Variants in UTP20 observed in about 807,000 individuals in gnomAD.
UTP20 encodes the protein small subunit processome component 20 homolog.
In UTP20, 164 loss-of-function variants were observed where a neutral mutation model predicts 329.5. That is an observed-to-expected ratio of 0.50 (90% confidence interval 0.44 to 0.57). UTP20 has a LOEUF of 0.57. Ranked by LOEUF, UTP20 falls within the 20% of genes least tolerant of loss-of-function variation. UTP20 has a pLI of 0.00. For synonymous variants in UTP20, 1,151 were observed against 1,159.3 expected (o/e 0.99, Z 0.14); for missense variants, 3,055 against 3,284.2 (o/e 0.93, Z 1.71).
intron 25 of UTP20, among the ~76,000 whole-genome samples, chr12:101,322,031 C>G (rs1427503250): frequency 6.6e-6 from 1 of 152,100 alleles, no homozygotes; most frequent in Admixed American, 6.6e-5. Context: ...CTCTGTCACC[C>G]AGGCTGGAGT....
At chr12:101,333,233 C>T in intron 27 of UTP20, 68 bp from the exon 28 acceptor site, 5 of 1,487,200 alleles carry the variant, frequency 3.4e-6, no homozygotes, top group Non-Finnish European at 4.6e-6. Context: ...GCAAGAGTGC[C>T]TCTCTGAGGA....
Position 101,383,051 on chromosome 12 carries a change from A to C in UTP20, c.7667A>C (p.Asn2556Thr). 1 of 1,593,010 alleles carries C rather than the reference A, an allele frequency of 6.3e-7. No individual in the cohort carries two copies. Among genetic ancestry groups the C allele is most frequent in the South Asian group, 1.2e-5 (1 of 86,412 alleles). ...CGTTTTTTTTTAAAGGTTGTTAAGA[A>C]TTTGTTGTTCGCAGCCAAAGTCTTG... The part of the protein sequence containing the change: ...DQSLGEQVVK[N>T]LLFAAKVLYL... The change falls in exon 59 of 62, where the codon AAT becomes ACT. Residue 2556 changes from asparagine (N) to threonine (T), a missense_variant. This residue lies in a region of UTP20 where 337 missense variants were observed against 345.5 expected (regional missense o/e 0.98). Transcript: ENST00000261637.
chr12:101,345,911 G>A (rs557092203), intron 37 of UTP20, among the ~76,000 whole-genome samples: 1 of 152,114 alleles, frequency 6.6e-6, no homozygotes, highest in Non-Finnish European at 1.5e-5. Flanking sequence ...TAATAGTGTC[G>A]CTTTTCTCTG....
At position 101,363,704 on chromosome 12, in the gene UTP20, A is replaced by G. The variant is rs886536898; in HGVS notation, c.5919A>G (p.Gly1973=). 2.5e-6 allele frequency: 4 copies of G among 1,612,156 alleles called. No homozygotes were observed. The highest frequency in any genetic ancestry group is 3.4e-6 in the Non-Finnish European group (4 of 1,178,308). The part of the protein sequence containing the change: ...DSYEILGKFV[G]KDQVTKLILP... Reference sequence around the variant, plus strand: ...ATGAAATCCTCGGCAAGTTTGTAGGAAAAGATCAGGTTACAAAACTCATCC... The same window carrying G: ...ATGAAATCCTCGGCAAGTTTGTAGGGAAAGATCAGGTTACAAAACTCATCC... The change falls in exon 45 of 62, where the codon GGA becomes GGG. Residue 1973 remains glycine (G), a synonymous_variant. Transcript: ENST00000261637.
chr12:101,290,984 T>G, intron 8 of UTP20, 96 bp downstream of exon 8: 1 of 1,290,262 alleles, frequency 7.8e-7, no homozygotes, highest in South Asian at 1.6e-5. Context: ...GAAGTTATAT[T>G]TTATAATTGT....
chr12:101,320,712 T>C, intron 23 of UTP20, 140 bp from the exon 24 acceptor site: 2 of 542,772 alleles, frequency 3.7e-6, no homozygotes. Flanking sequence ...AATGTGAAGC[T>C]GTTGTTAGCA....
At position 101,312,105 on chromosome 12, in the gene UTP20, A is replaced by T; in HGVS notation, c.2381A>T (p.Glu794Val). ...VGDESWEQTQ[E>V]GDVGALYHEQ... ...GATGAAAGTTGGGAGCAGACCCAGGAAGGAGATGTTGGAGCTCTTTATCAT... is the reference window on the plus strand; with the variant it reads ...GATGAAAGTTGGGAGCAGACCCAGGTAGGAGATGTTGGAGCTCTTTATCAT... Residue 794 changes from glutamate to valine, a missense_variant, in exon 21 of 62, where the codon GAA becomes GTA. Physicochemically the swap from Glu to Val is moderately radical, Grantham distance 121. Transcript: ENST00000261637. The T allele has an allele frequency of 6.2e-7, 1 of 1,614,248 alleles. No individual in the cohort carries two copies. The highest frequency in any genetic ancestry group is 2.2e-5 in the East Asian group (1 of 44,882).
intron 4 of UTP20, 38 bp from the exon 5 acceptor site, chr12:101,286,283 A>G (rs1732562095): frequency 6.6e-7 from 1 of 1,515,068 alleles, no homozygotes; most frequent in Non-Finnish European, 8.8e-7. Context: ...GCCTTTTAAA[A>G]AAATCCACAT....
chr12:101,357,194 C>A (rs2120985390), intron 43 of UTP20, 112 bp downstream of exon 43: 1 of 958,734 alleles, frequency 1.0e-6, no homozygotes, highest in Non-Finnish European at 1.5e-6. Flanking sequence ...GATCCACTGA[C>A]ACTCTGAGCA....
At chr12:101,287,809 C>G (rs541186301) in intron 5 of UTP20, among the ~76,000 whole-genome samples, 2 of 152,314 alleles carry the variant, frequency 1.3e-5, no homozygotes, top group East Asian at 3.9e-4. Flanking sequence ...GAGATACAGT[C>G]ACAGATAAAA....
intron 25 of UTP20, among the ~76,000 whole-genome samples, chr12:101,324,677 T>C (rs1241111339): frequency 2.0e-5 from 3 of 152,196 alleles, no homozygotes; most frequent in Non-Finnish European, 2.9e-5. Flanking sequence ...CACTGGTTTG[T>C]TTATAATAAC....
In UTP20 at chr12:101,354,801, TAA is replaced by T. The variant is rs779609284; in HGVS notation, c.5108-30_5108-29del. The T allele has an allele frequency of 1.9e-6, 3 of 1,595,394 alleles. No homozygotes were observed. The Admixed American group carries it at 5.2e-5, about 28-fold the overall frequency. On this transcript the variant is annotated intron_variant, in intron 40 of 61. Transcript: ENST00000261637. ...AACTGTGTGGTTTCATTATTTGCTT[TAA>T]GGTGACTTTTGTTGTTTATTAAACA...
chr12:101,296,821 A>G (rs1218315767), intron 12 of UTP20, among the ~76,000 whole-genome samples: 1 of 152,162 alleles, frequency 6.6e-6, no homozygotes, highest in Non-Finnish European at 1.5e-5. Flanking sequence ...AGTGTCATGG[A>G]TTACTTTCTT....
chr12:101,322,196 G>A (rs1868388432), intron 25 of UTP20, among the ~76,000 whole-genome samples: 2 of 151,970 alleles, frequency 1.3e-5, no homozygotes, highest in Non-Finnish European at 2.9e-5. Context: ...CACCATGTTG[G>A]CCAGGCTGGT....
chr12:101,310,523 C>T (rs544179890), intron 19 of UTP20, among the ~76,000 whole-genome samples: 3 of 136,920 alleles, frequency 2.2e-5, no homozygotes, highest in South Asian at 4.6e-4. Flanking sequence ...TGTGGTGAGC[C>T]GAGATTGCAC....
At chr12:101,320,807 A>G (rs1873124701) in intron 23 of UTP20, 45 bp from the exon 24 acceptor site, 1 of 1,507,762 alleles carries the variant, frequency 6.6e-7, no homozygotes, top group Non-Finnish European at 9.0e-7. Flanking sequence ...ATCCTATGGT[A>G]TATGTATATA....
chr12:101,293,018 C>A, intron 10 of UTP20, 150 bp from the exon 11 acceptor site: 1 of 680,514 alleles, frequency 1.5e-6, no homozygotes, highest in South Asian at 1.9e-5. Flanking sequence ...AAGCCCTTTG[C>A]ATCTGTGGAA....
chr12:101,308,267 GA>G lies in UTP20; in HGVS notation c.2079del (p.Glu694ArgfsTer6). 3 of 1,612,964 alleles carry G rather than the reference GA, an allele frequency of 1.9e-6. No homozygotes were observed. Among genetic ancestry groups the G allele is most frequent in the Non-Finnish European group, 2.5e-6 (3 of 1,179,542 alleles). On this transcript the variant is annotated frameshift_variant, in exon 18 of 62. Transcript: ENST00000261637. LOFTEE classifies it high-confidence loss of function. Reference protein sequence around the residue: ...ELVPATVNDYREKLLHLRKLR... With the variant: ...ELVPATVNDYXEKLLHLRKLR... The stretch of plus-strand genomic sequence containing the variant: ...GTTCCAGCAACTGTGAATGATTATA[GA>G]GAGAAGCTTCTTCATTTGAGAAAAC...
At chr12:101,308,076 T>C in intron 17 of UTP20, 109 bp from the exon 18 acceptor site, 2 of 948,936 alleles carry the variant, frequency 2.1e-6, no homozygotes, top group Non-Finnish European at 2.8e-6. Flanking sequence ...ATTAAAAATA[T>C]TAACATATTC....
Sources: allele counts gnomAD v4.1 joint callset (sites outside exome capture counted in the v4.1 genomes callset), GRCh38; gene constraint gnomAD v4.1.1; regional missense constraint gnomAD v4.1.1; transcripts MANE v1.5; gene names NCBI Gene and HGNC (gene_info 2026-07-23, HGNC 2026-07-21).